KDM7A: variants seen among roughly 807,000 people sequenced by gnomAD.
The protein encoded by KDM7A is lysine demethylase 7A.
In KDM7A, 28 loss-of-function variants were observed where a neutral mutation model predicts 114.8. The ratio of observed to expected loss-of-function variants is 0.24; its 90% CI spans 0.18 to 0.33. The LOEUF (loss-of-function observed/expected upper bound fraction) is 0.33. Among genes scored for constraint, KDM7A ranks in the 10% least tolerant of loss-of-function variants. The pLI is 1.00. For missense variants in KDM7A, 942 were observed against 1,142.5 expected, an observed-to-expected ratio of 0.82 and a Z score of 2.53; for synonymous variants, 423 against 397.8, an observed-to-expected ratio of 1.06 and a Z score of -0.75.
At chr7:140,148,121 C>T (rs1794359431) in intron 1 of KDM7A, among the ~76,000 whole-genome samples, 1 of 151,714 alleles carries the variant, frequency 6.6e-6, no homozygotes, top group South Asian at 2.1e-4. Flanking sequence ...AGGTTTGAGC[C>T]CAAATAGGAA....
intron 9 of KDM7A, among the ~76,000 whole-genome samples, chr7:140,115,863 A>T (rs1818520190): frequency 8.0e-6 from 1 of 125,216 alleles, no homozygotes; most frequent in African/African-American, 3.1e-5. Flanking sequence ...AAGTAAAAAA[A>T]AAAAATAAAT....
chr7:140,144,880 T>C (rs901062490), intron 1 of KDM7A, among the ~76,000 whole-genome samples: 2 of 152,114 alleles, frequency 1.3e-5, no homozygotes, highest in African/African-American at 2.4e-5. Context: ...TTTAAAAATG[T>C]ATAGCACCTC....
At chr7:140,107,194 C>T (rs1818352453) in intron 11 of KDM7A, among the ~76,000 whole-genome samples, 1 of 152,160 alleles carries the variant, frequency 6.6e-6, no homozygotes, top group Non-Finnish European at 1.5e-5. Context: ...TCTCTGAATA[C>T]AGCACACTGA....
rs1258839329 is a variant in KDM7A at position 140,165,391 on chromosome 7, T to C, written c.194+11353A>G. ...GTAAACCAAGTAGTTAGGGCTATTT[T>C]CCCACCAGGTTGTTCTTCACAGTAG... On this transcript the variant is annotated intron_variant, in intron 1 of 19. Transcript: ENST00000397560. 2.0e-5 allele frequency among the ~76,000 whole-genome samples: 3 copies of C among 152,242 alleles called. No individual in the cohort carries two copies. The East Asian group carries it at 5.8e-4, about 29-fold the overall frequency.
rs1818580220 is a variant in KDM7A, at chr7:140,119,225, T to G, written c.1140-6A>C. The G allele has an allele frequency of 6.7e-7, 1 of 1,492,848 alleles. No homozygotes were observed. The highest frequency in any genetic ancestry group is 1.4e-5 in the African/African-American group (1 of 71,620). 92.5% of individuals were successfully genotyped at this position (1,492,848 alleles called of 1,614,324 possible). ...TTTTCTCCATCTCATAACACCTAAATGAGTTTGAAGAAATTTTTAATATTA... is the reference window on the plus strand; with the variant it reads ...TTTTCTCCATCTCATAACACCTAAAGGAGTTTGAAGAAATTTTTAATATTA... On this transcript the variant is annotated splice_region_variant and splice_polypyrimidine_tract_variant and intron_variant, in intron 8 of 19. Transcript: ENST00000397560.
Position 140,138,233 on chromosome 7 carries a change from AG to A in KDM7A, c.280+871del, listed in dbSNP as rs549233791. Among the ~76,000 whole-genome samples, 66 of 152,208 alleles carry A rather than the reference AG, an allele frequency of 4.3e-4. 1 individual carries two copies. The highest frequency in any genetic ancestry group is 1.5e-3 in the African/African-American group (61 of 41,522). On this transcript the variant is annotated intron_variant, in intron 2 of 19. Coordinates refer to ENST00000397560, the MANE Select transcript of KDM7A (RefSeq NM_030647.2). ...TGAGGCAGGAGGATCACTTAAGCCCAGGAAGTCAAGGCTGCAGTGAGCTATG... is the reference window on the plus strand; with the variant it reads ...TGAGGCAGGAGGATCACTTAAGCCCAGAAGTCAAGGCTGCAGTGAGCTATG...
At chr7:140,110,373 A>G (rs1244586717) in intron 11 of KDM7A, among the ~76,000 whole-genome samples, 1 of 152,206 alleles carries the variant, frequency 6.6e-6, no homozygotes, top group African/African-American at 2.4e-5. Flanking sequence ...CTCTATCTGA[A>G]CACATTGAGA....
chr7:140,116,507 T>C (rs754444280), intron 9 of KDM7A, among the ~76,000 whole-genome samples: 6 of 152,264 alleles, frequency 3.9e-5, no homozygotes, highest in Non-Finnish European at 8.8e-5. Context: ...ATAATGGTTA[T>C]CTCTAGAAGG....
chr7:140,118,253 A>T (rs919657353), intron 9 of KDM7A, among the ~76,000 whole-genome samples: 1 of 152,266 alleles, frequency 6.6e-6, no homozygotes, highest in Non-Finnish European at 1.5e-5. Context: ...AGCAGAAAAC[A>T]GAAGCAAGTG....
intron 7 of KDM7A, 76 bp downstream of exon 7, chr7:140,124,545 G>T: frequency 9.9e-7 from 1 of 1,011,588 alleles, no homozygotes; most frequent in Non-Finnish European, 1.4e-6. Flanking sequence ...ACATGTTAAA[G>T]CCAGAGGTTC....
At chr7:140,100,838 G>A (rs988714578) in intron 12 of KDM7A, among the ~76,000 whole-genome samples, 20 of 150,088 alleles carry the variant, frequency 1.3e-4, no homozygotes, top group African/African-American at 4.7e-4. Flanking sequence ...TCGGCTCACT[G>A]CAAGCTCCGC....
chr7:140,134,189 T>C (rs1178447036), intron 2 of KDM7A, among the ~76,000 whole-genome samples: 1 of 152,190 alleles, frequency 6.6e-6, no homozygotes, highest in Non-Finnish European at 1.5e-5. Context: ...ACGGGTAGCA[T>C]GACAAAATAC....
intron 8 of KDM7A, 31 bp from the exon 9 acceptor site, chr7:140,119,250 A>C: frequency 3.2e-6 from 4 of 1,235,880 alleles, no homozygotes; most frequent in Non-Finnish European, 4.6e-6. Flanking sequence ...TTTTAATATT[A>C]ATATTAGAAT....
intron 4 of KDM7A, among the ~76,000 whole-genome samples, chr7:140,128,246 C>T (rs1818736193): frequency 6.6e-6 from 1 of 152,202 alleles, no homozygotes; most frequent in South Asian, 2.1e-4. Flanking sequence ...TTACAGACCA[C>T]TGCACTGCTA....
Position 140,090,384 on chromosome 7 carries a change from G to A in KDM7A, c.*710C>T, listed in dbSNP as rs565701828. 15 of 152,258 alleles carry A rather than the reference G, an allele frequency of 9.9e-5. No homozygotes were observed. Among genetic ancestry groups the A allele is most frequent in the African/African-American group, 3.1e-4 (13 of 41,530 alleles). The allele number at this position is 152,258 out of a possible 1,614,324, so 9.4% of individuals were successfully genotyped here. On this transcript the variant is annotated 3_prime_UTR_variant, in exon 20 of 20. Coordinates refer to ENST00000397560, the MANE Select transcript of KDM7A (RefSeq NM_030647.2). ...ATCACAAAATGATGGGGAGTGCAGA[G>A]GGAAGGTGGGATATAAGGTAATCAA...
At chr7:140,142,278 A>G (rs994645139) in intron 1 of KDM7A, among the ~76,000 whole-genome samples, 4 of 151,450 alleles carry the variant, frequency 2.6e-5, no homozygotes, top group African/African-American at 9.7e-5. Context: ...GGGAAAACTG[A>G]TAACTTCAGC....
intron 1 of KDM7A, among the ~76,000 whole-genome samples, chr7:140,139,742 C>T (rs1023114477): frequency 3.3e-5 from 5 of 151,962 alleles, no homozygotes; most frequent in African/African-American, 1.2e-4. Flanking sequence ...ATAAAAAACA[C>T]GTAATACAGC....
rs1432742542 is a variant in KDM7A, at chr7:140,090,063, C to G, written c.*1031G>C. Reference sequence around the variant, plus strand: ...AGCAGGTGCCAGTCCTGTTGTCCAACAGCAGCAGTACGAAGAAGGCCTGCT... The same window carrying G: ...AGCAGGTGCCAGTCCTGTTGTCCAAGAGCAGCAGTACGAAGAAGGCCTGCT... On this transcript the variant is annotated 3_prime_UTR_variant, in exon 20 of 20. Coordinates refer to ENST00000397560, the MANE Select transcript of KDM7A (RefSeq NM_030647.2). The G allele has an allele frequency of 6.6e-6, 1 of 152,174 alleles. No individual in the cohort carries two copies. The highest frequency in any genetic ancestry group is 2.4e-5 in the African/African-American group (1 of 41,452). The allele number at this position is 152,174 out of a possible 1,614,324, so 9.4% of individuals were successfully genotyped here. A position where few individuals can be genotyped will look rare whatever the true frequency, so the allele number is the denominator to read the frequency against.
intron 12 of KDM7A, among the ~76,000 whole-genome samples, chr7:140,100,733 T>TATATATATATACACATATATATATATAC (rs1818207501): frequency 1.9e-5 from 1 of 51,872 alleles, no homozygotes; most frequent in Non-Finnish European, 3.8e-5. Flanking sequence ...TATATATATA[T>TATATATATATACACATATATATATATAC]ATATATATAC....
Sources: gnomAD v4.1 joint callset for allele counts (sites outside exome capture counted in the v4.1 genomes callset) on GRCh38, gnomAD v4.1.1 for gene constraint, MANE v1.5 for transcripts, NCBI Gene and HGNC (gene_info 2026-07-23, HGNC 2026-07-21) for gene names.